AFDN: variants seen among roughly 807,000 people sequenced by gnomAD.
AFDN encodes the protein afadin, adherens junction formation factor, also known as afadin.
A neutral mutation model predicts 216.6 loss-of-function variants in AFDN; 68 were observed. That is an observed-to-expected ratio of 0.31 (90% confidence interval 0.26 to 0.38). AFDN has a LOEUF of 0.38. AFDN is among the 10% of genes least tolerant of loss of function. AFDN has a pLI of 1.00. For synonymous variants in AFDN, 868 were observed against 853.7 expected (o/e 1.02, Z -0.29); for missense variants, 2,136 against 2,342.0 (o/e 0.91, Z 1.82).
chr6:167,916,964 T>C, intron 19 of AFDN, 125 bp from the exon 20 acceptor site: 1 of 838,320 alleles, frequency 1.2e-6, no homozygotes, highest in Non-Finnish European at 1.8e-6. Context: ...GTCTGTTTCC[T>C]GAAATCATTC....
At chr6:167,876,117 G>A (rs1251574478) in intron 5 of AFDN, among the ~76,000 whole-genome samples, 6 of 152,218 alleles carry the variant, frequency 3.9e-5, no homozygotes, top group South Asian at 2.1e-4. Flanking sequence ...TGCATCCATC[G>A]CAGACACTGC....
chr6:167,944,191 G>A (rs1795011718), intron 26 of AFDN, 132 bp downstream of exon 26: 14 of 676,268 alleles, frequency 2.1e-5, no homozygotes, highest in Middle Eastern at 4.1e-4. Context: ...GGATGAGAGC[G>A]CTTCAGCATA....
chr6:167,922,054 G>A (rs146449478), intron 21 of AFDN, among the ~76,000 whole-genome samples: 9 of 152,318 alleles, frequency 5.9e-5, no homozygotes, highest in Non-Finnish European at 1.3e-4. Context: ...CACACAGGAC[G>A]CTCTTGATGA....
Position 167,915,469 on chromosome 6 carries a change from T to C in AFDN, c.2565+36T>C, listed in dbSNP as rs370175551. The C allele has an allele frequency of 4.1e-4, 640 of 1,571,594 alleles. 7 individuals carry two copies. The South Asian group carries it at 7.3e-3, about 18-fold the overall frequency. On this transcript the variant is annotated intron_variant, in intron 19 of 33. Coordinates refer to ENST00000683244, the MANE Select transcript of AFDN (RefSeq NM_001386888.1). ...GTGCCACTCCCCAGCTCATGTGCTT[T>C]ATGATAAAGGCATCTGATCTTTATG...
intron 2 of AFDN, among the ~76,000 whole-genome samples, chr6:167,866,763 C>G (rs930058764): frequency 6.6e-6 from 1 of 152,174 alleles, no homozygotes; most frequent in Non-Finnish European, 1.5e-5. Flanking sequence ...ACAGAAGAGA[C>G]GCTGTGCAGT....
intron 12 of AFDN, among the ~76,000 whole-genome samples, chr6:167,905,474 G>A (rs1034692871): frequency 3.9e-5 from 6 of 152,114 alleles, no homozygotes; most frequent in South Asian, 4.1e-4. Flanking sequence ...ATGAAAATCC[G>A]TCATCCACAA....
chr6:167,943,070 A>G (rs1214704646), intron 23 of AFDN, 59 bp from the exon 24 acceptor site: 2 of 1,428,870 alleles, frequency 1.4e-6, no homozygotes, highest in Admixed American at 1.8e-5. Flanking sequence ...ACTTTCCTGC[A>G]TAGTGCATTT....
Position 167,827,078 on chromosome 6 carries a change from C to G in AFDN, c.-55C>G. On this transcript the variant is annotated 5_prime_UTR_variant, in exon 1 of 34. Coordinates refer to ENST00000683244, the MANE Select transcript of AFDN (RefSeq NM_001386888.1). Reference sequence around the variant, plus strand: ...GCCGGGCCCCCGCGGACCTGTCGTCCTCGGCCCGTCCTCCGGCCCCGGCCC... The same window carrying G: ...GCCGGGCCCCCGCGGACCTGTCGTCGTCGGCCCGTCCTCCGGCCCCGGCCC... 3 of 1,012,804 alleles carry G rather than the reference C, an allele frequency of 3.0e-6. No homozygotes were observed. Among genetic ancestry groups the G allele is most frequent in the Non-Finnish European group, 3.7e-6 (3 of 803,590 alleles). 62.7% of individuals were successfully genotyped at this position (1,012,804 alleles called of 1,614,324 possible).
chr6:167,937,494 C>T (rs929981421), intron 23 of AFDN, among the ~76,000 whole-genome samples: 11 of 152,116 alleles, frequency 7.2e-5, no homozygotes, highest in African/African-American at 2.2e-4. Context: ...GCAGTCCTCC[C>T]GCCACAGCCT....
chr6:167,943,896 C>A, intron 25 of AFDN, 45 bp from the exon 26 acceptor site: 1 of 1,479,324 alleles, frequency 6.8e-7, no homozygotes, highest in Non-Finnish European at 9.4e-7. Flanking sequence ...ACAGAGCAGG[C>A]ACTGCGTTTT....
At chr6:167,852,513 G>T (rs949671369) in intron 1 of AFDN, among the ~76,000 whole-genome samples, 1 of 152,142 alleles carries the variant, frequency 6.6e-6, no homozygotes, top group Non-Finnish European at 1.5e-5. Context: ...CCCATTAGAA[G>T]GTCAAGTGGT....
chr6:167,966,121 C>A, intron 32 of AFDN, 76 bp downstream of exon 32: 2 of 1,535,970 alleles, frequency 1.3e-6, no homozygotes, highest in Non-Finnish European at 8.7e-7. Context: ...CGGCCACCCC[C>A]CTGCCAGCCA....
chr6:167,962,734 G>T lies in AFDN; in HGVS notation c.4968+167G>T. On this transcript the variant is annotated intron_variant, in intron 31 of 33. Coordinates refer to ENST00000683244, the MANE Select transcript of AFDN (RefSeq NM_001386888.1). The surrounding 1 kb of genome is among the most constrained non-coding windows in gnomAD (Gnocchi z 5.2). ...TGGACCTGCAACTTTACCCCATCTGGCCCACCTACCTCTCTTCTGGACTGT... is the reference window on the plus strand; with the variant it reads ...TGGACCTGCAACTTTACCCCATCTGTCCCACCTACCTCTCTTCTGGACTGT... The T allele has an allele frequency of 1.3e-6, 2 of 1,500,754 alleles. No homozygotes were observed. The highest frequency in any genetic ancestry group is 8.9e-7 in the Non-Finnish European group (1 of 1,128,806). The allele number at this position is 1,500,754 out of a possible 1,614,324, so 93.0% of individuals were successfully genotyped here. A position where few individuals can be genotyped will look rare whatever the true frequency, so the allele number is the denominator to read the frequency against.
chr6:167,936,626 G>A (rs1583473304), intron 23 of AFDN, among the ~76,000 whole-genome samples: 2 of 152,190 alleles, frequency 1.3e-5, no homozygotes, highest in African/African-American at 4.8e-5. Context: ...AGGGGGGTAG[G>A]TAGTGAGAGC....
chr6:167,851,541 A>G (rs972367672), intron 1 of AFDN, among the ~76,000 whole-genome samples: 14 of 152,184 alleles, frequency 9.2e-5, no homozygotes, highest in African/African-American at 3.4e-4. Flanking sequence ...ACAGGAAGTA[A>G]TATTTATCAA....
chr6:167,895,724 C>T (rs1041461255), intron 9 of AFDN, among the ~76,000 whole-genome samples: 3 of 152,172 alleles, frequency 2.0e-5, no homozygotes, highest in South Asian at 2.1e-4. Flanking sequence ...ACTCTGTGCA[C>T]GCTCATACTC....
At chr6:167,895,005 CTA>C (rs1788056916) in intron 9 of AFDN, among the ~76,000 whole-genome samples, 1 of 152,116 alleles carries the variant, frequency 6.6e-6, no homozygotes, top group Non-Finnish European at 1.5e-5. Flanking sequence ...TTCTCTGTGA[CTA>C]TATTGCATTC....
At position 167,914,188 on chromosome 6, in the gene AFDN, G is replaced by A. The variant is rs1429513453; in HGVS notation, c.2079G>A (p.Gly693=). Residue 693 remains glycine, a synonymous_variant, in exon 17 of 34, where the codon GGG becomes GGA. Transcript: ENST00000683244. ...TACAGAAACAGAAGAATATTGCAGG[G>A]GCACTTGCCTTCTGGATGGCAAATG... ...QVDQKQKNIA[G]ALAFWMANAS... 6.2e-7 allele frequency: 1 copy of A among 1,613,768 alleles called. No homozygotes were observed. The highest frequency in any genetic ancestry group is 1.3e-5 in the African/African-American group (1 of 74,822).
chr6:167,846,318 CTAGTT>C (rs1244177949), intron 1 of AFDN, among the ~76,000 whole-genome samples: 2 of 151,978 alleles, frequency 1.3e-5, no homozygotes, highest in East Asian at 1.9e-4. Context: ...TAAATGTTGA[CTAGTT>C]TAGATGTTTT....
Sources: allele counts gnomAD v4.1 joint callset (sites outside exome capture counted in the v4.1 genomes callset), GRCh38; gene constraint gnomAD v4.1.1; non-coding constraint Gnocchi (gnomAD v3.1); transcripts MANE v1.5; gene names NCBI Gene and HGNC (gene_info 2026-07-23, HGNC 2026-07-21).